The following NDUFAF7 variants were observed in gnomAD, a reference collection of about 807,000 sequenced individuals.
NDUFAF7 encodes the protein NADH:ubiquinone oxidoreductase complex assembly factor 7.
NDUFAF7 carries 48 observed loss-of-function variants against 47.2 expected under a neutral mutation model. That is an observed-to-expected ratio of 1.02 (90% CI 0.81 to 1.29). The LOEUF (loss-of-function observed/expected upper bound fraction) is 1.29, where lower values mean the gene tolerates loss of function less well. NDUFAF7 is among the 50% of genes most tolerant of loss of function. The pLI is 0.00. For synonymous variants in NDUFAF7, 217 were observed against 190.0 expected, an observed-to-expected ratio of 1.14 and a Z score of -1.17; for missense variants, 635 against 537.6, an observed-to-expected ratio of 1.18 and a Z score of -1.79.
At chr2:37,241,955 GA>G in intron 5 of NDUFAF7, 164 bp downstream of exon 5, 1 of 627,664 alleles carries the variant, frequency 1.6e-6, no homozygotes, top group Non-Finnish European at 2.7e-6. Context: ...CATCTTAATA[GA>G]AAATAAAGTT....
chr2:37,241,625 A>G lies in NDUFAF7; in HGVS notation c.456A>G (p.Val152=). 1 of 1,613,926 alleles carries G rather than the reference A, an allele frequency of 6.2e-7. No individual in the cohort carries two copies. The highest frequency in any genetic ancestry group is 8.5e-7 in the Non-Finnish European group (1 of 1,179,956). Residue 152 remains valine, a synonymous_variant, in exon 5 of 10, where the codon GTA becomes GTG. Transcript: ENST00000002125. ...GSVLKNCDIS[V]HLVEVSQKLS... ...TGCTGAAAAATTGTGACATTTCAGTACATCTGGTAGAGGTAAGCCAAAAAT... is the reference window on the plus strand; with the variant it reads ...TGCTGAAAAATTGTGACATTTCAGTGCATCTGGTAGAGGTAAGCCAAAAAT...
chr2:37,255,732 G>A (rs1572600692), downstream of NDUFAF7, among the ~76,000 whole-genome samples: 1 of 152,362 alleles, frequency 6.6e-6, no homozygotes, highest in Non-Finnish European at 1.5e-5. Flanking sequence ...GGGGCTGGGT[G>A]CAGTGGCTCA....
chr2:37,247,738 TG>T (rs1207997192), intron 9 of NDUFAF7, 109 bp downstream of exon 9: 3 of 1,301,914 alleles, frequency 2.3e-6, no homozygotes, highest in Non-Finnish European at 3.3e-6. Flanking sequence ...AGCCAATCCT[TG>T]GTATTCCAGT....
chr2:37,236,830 G>A (rs530172622), intron 3 of NDUFAF7, among the ~76,000 whole-genome samples: 2 of 151,590 alleles, frequency 1.3e-5, no homozygotes, highest in African/African-American at 4.8e-5. Flanking sequence ...AAGGAAAGGC[G>A]AGGAAAGAGG....
At chr2:37,234,401 T>A (rs1050874161) in intron 2 of NDUFAF7, among the ~76,000 whole-genome samples, 5 of 152,098 alleles carry the variant, frequency 3.3e-5, no homozygotes, top group African/African-American at 4.8e-5. Context: ...CTAATTATAT[T>A]TTTTTAATAC....
At chr2:37,257,906 A>AT (rs1201105324), downstream of NDUFAF7, among the ~76,000 whole-genome samples, 3 of 152,108 alleles carry the variant, frequency 2.0e-5, no homozygotes, top group African/African-American at 7.2e-5. Context: ...AGATGTTTAG[A>AT]TTTGAAAACA....
At chr2:37,239,149 C>A (rs1305261167) in intron 4 of NDUFAF7, among the ~76,000 whole-genome samples, 2 of 142,722 alleles carry the variant, frequency 1.4e-5, no homozygotes, top group Non-Finnish European at 3.0e-5. Flanking sequence ...GACACAGTCT[C>A]ACTTTGTCAC....
downstream of NDUFAF7, chr2:37,256,537 G>A (rs1217666712): frequency 4.9e-6 from 6 of 1,227,830 alleles, no homozygotes; most frequent in Non-Finnish European, 6.5e-6. Context: ...GAATTTGGAA[G>A]ATGAATGGGA....
At chr2:37,256,655 T>TAAC, downstream of NDUFAF7, 2 of 1,342,222 alleles carry the variant, frequency 1.5e-6, no homozygotes, top group South Asian at 1.7e-5. Flanking sequence ...TTTTTTTTTT[T>TAAC]TTTTACCTTC....
In NDUFAF7 at chr2:37,240,153, G is replaced by A. The variant is rs549140764; in HGVS notation, c.409-1425G>A. Among the ~76,000 whole-genome samples, 22 of 152,300 alleles carry A rather than the reference G, an allele frequency of 1.4e-4. 1 individual carries two copies. The highest frequency in any genetic ancestry group is 6.2e-4 in the South Asian group (3 of 4,826). ...TTCAATGTAAAAAACAAACATGGCT[G>A]GGCGCAGTGGCCCATGCCTGTAATC... is the stretch of plus-strand genomic sequence containing the variant. On this transcript the variant is annotated intron_variant, in intron 4 of 9. Transcript: ENST00000002125.
chr2:37,269,303 C>G, the NDUFAF7 span: 1 of 314,232 alleles, frequency 3.2e-6, no homozygotes, highest in South Asian at 3.8e-5. Context: ...ATGAATAAGC[C>G]CACTCAGCCC....
intron 4 of NDUFAF7, among the ~76,000 whole-genome samples, chr2:37,241,242 A>G (rs928222358): frequency 1.3e-5 from 2 of 152,204 alleles, no homozygotes; most frequent in Non-Finnish European, 2.9e-5. Flanking sequence ...GATGTTATCA[A>G]ATCAAGGCTG....
chr2:37,231,746 C>A lies in NDUFAF7; in HGVS notation c.41C>A (p.Ala14Asp), dbSNP rs1346583000. ...LLRSGLGPLC[A>D]VARAAIPFIW... is the part of the protein sequence containing the mutation. The stretch of plus-strand genomic sequence containing the variant: ...AGGTCAGGTTTGGGGCCGTTGTGTG[C>A]CGTGGCGCGCGCAGGTAAGCGTCAG... The change falls in exon 1 of 10, where the codon GCC becomes GAC. Residue 14 changes from alanine (A) to aspartate (D), a missense_variant. Ala to Asp is a moderately radical substitution (Grantham distance 126). Coordinates refer to ENST00000002125, the MANE Select transcript of NDUFAF7 (RefSeq NM_144736.5). The A allele has an allele frequency of 2.5e-6, 4 of 1,614,174 alleles. No individual in the cohort carries two copies. Among genetic ancestry groups the A allele is most frequent in the Non-Finnish European group, 3.4e-6 (4 of 1,180,016 alleles).
chr2:37,254,546 T>A (rs1457424826), downstream of NDUFAF7, among the ~76,000 whole-genome samples: 1 of 152,240 alleles, frequency 6.6e-6, no homozygotes, highest in Non-Finnish European at 1.5e-5. Context: ...CCTGACTGCC[T>A]GGGCTGAAGT....
chr2:37,244,070 AG>A, intron 7 of NDUFAF7, 97 bp downstream of exon 7: 1 of 1,069,222 alleles, frequency 9.4e-7, no homozygotes, highest in Non-Finnish European at 1.4e-6. Context: ...GTTCCTTTAC[AG>A]GAAGAGTTGC....
intron 2 of NDUFAF7, among the ~76,000 whole-genome samples, chr2:37,233,527 C>G (rs1055519240): frequency 6.6e-6 from 1 of 150,448 alleles, no homozygotes; most frequent in African/African-American, 2.5e-5. Context: ...AGTCAGGAGG[C>G]AGGAGAATCG....
downstream of NDUFAF7, chr2:37,253,545 C>T (rs1296797864): frequency 4.1e-6 from 2 of 482,734 alleles, no homozygotes; most frequent in Non-Finnish European, 7.1e-6. Context: ...ATTTTTCAAA[C>T]TCAGAGTCTC....
At chr2:37,239,416 G>C (rs563780562) in intron 4 of NDUFAF7, among the ~76,000 whole-genome samples, 34 of 152,236 alleles carry the variant, frequency 2.2e-4, no homozygotes, top group African/African-American at 8.2e-4. Context: ...CCCGTACCCA[G>C]CCTTGTACAA....
chr2:37,256,596 A>G, downstream of NDUFAF7: 1 of 1,429,338 alleles, frequency 7.0e-7, no homozygotes, highest in Non-Finnish European at 9.2e-7. Context: ...TTGGGATGAG[A>G]AAGATGTTTA....
Sources: gnomAD v4.1 joint callset for allele counts (sites outside exome capture counted in the v4.1 genomes callset) on GRCh38, gnomAD v4.1.1 for gene constraint, MANE v1.5 for transcripts, NCBI Gene and HGNC (gene_info 2026-07-23, HGNC 2026-07-21) for gene names.